Variants in TINAG observed in about 807,000 individuals in gnomAD.
The protein encoded by TINAG is tubulointerstitial nephritis antigen.
A neutral mutation model predicts 72.7 loss-of-function variants in TINAG; 83 were observed. That is an observed-to-expected ratio of 1.14 (90% CI 0.96 to 1.37). The LOEUF (loss-of-function observed/expected upper bound fraction) is 1.37. Among genes scored for constraint, TINAG ranks in the 40% most tolerant of loss-of-function variants. The probability of loss-of-function intolerance (pLI) is 0.00; values close to 1 mark genes in which losing one functional copy is unlikely to be tolerated. For missense variants in TINAG, 685 were observed against 576.6 expected (o/e 1.19, Z -1.93); for synonymous variants, 234 against 189.9 (o/e 1.23, Z -1.91).
intron 9 of TINAG, among the ~76,000 whole-genome samples, chr6:54,361,698 G>T (rs1763242052): frequency 6.6e-6 from 1 of 151,696 alleles, no homozygotes; most frequent in Non-Finnish European, 1.5e-5. Context: ...TAGTGAGGAA[G>T]ACATGTTGTT....
rs9367564 is a variant in TINAG, at chr6:54,339,327, T to C, written c.625-3899T>C. Among the ~76,000 whole-genome samples, 1,354 of 152,334 alleles carry C rather than the reference T, an allele frequency of 8.9e-3. 30 individuals are homozygous for C. The highest frequency in any genetic ancestry group is 0.053 in the East Asian group (273 of 5,172). ...TACCCACACTTCATTCTTCTTGTCC[T>C]TCCATTGCCCAGCACCTTTATTTCC... On this transcript the variant is annotated intron_variant, in intron 4 of 10. Transcript: ENST00000259782.
At chr6:54,343,190 G>GA (rs1785039349) in intron 4 of TINAG, 36 bp from the exon 5 acceptor site, 1 of 1,441,790 alleles carries the variant, frequency 6.9e-7, no homozygotes, top group African/African-American at 1.5e-5. Context: ...ACATATTTGA[G>GA]AAAATCTCAT....
In TINAG at chr6:54,309,044, C is replaced by A. The variant is rs1364708959; in HGVS notation, c.355+139C>A. 3.5e-5 allele frequency: 32 copies of A among 902,184 alleles called. No homozygotes were observed. In the South Asian group the frequency reaches 4.9e-4, roughly 14 times the overall value. 55.9% of individuals were successfully genotyped at this position (902,184 alleles called of 1,614,324 possible). The stretch of plus-strand genomic sequence containing the variant: ...TTATTGTGATTGAGAAAATACATTT[C>A]TTTGGATTGTTAAAGTGCTTTGGTT... On this transcript the variant is annotated intron_variant, in intron 1 of 10. Coordinates refer to ENST00000259782, the MANE Select transcript of TINAG (RefSeq NM_014464.4).
intron 1 of TINAG, among the ~76,000 whole-genome samples, chr6:54,311,154 A>T (rs1245537757): frequency 6.6e-6 from 1 of 152,162 alleles, no homozygotes; most frequent in Non-Finnish European, 1.5e-5. Flanking sequence ...ATTATGCTAC[A>T]GACCTCATTC....
chr6:54,326,801 G>C lies in TINAG; in HGVS notation c.510-1G>C. ...ATATTTTTCTCTCATTTGTAAGGCA[G>C]ATGGACAGCACAGAATTACAGCCAA... On this transcript the variant is annotated splice_acceptor_variant, in intron 3 of 10. Transcript: ENST00000259782. LOFTEE classifies it high-confidence loss of function. 1.3e-6 allele frequency: 2 copies of C among 1,598,320 alleles called. No individual in the cohort carries two copies. The highest frequency in any genetic ancestry group is 1.1e-5 in the South Asian group (1 of 87,326).
intron 9 of TINAG, among the ~76,000 whole-genome samples, chr6:54,356,345 G>T (rs996563407): frequency 1.8e-4 from 28 of 151,732 alleles, no homozygotes; most frequent in African/African-American, 6.0e-4. Context: ...GATAAGCCTG[G>T]CCAACATGGT....
Position 54,308,765 on chromosome 6 carries a change from C to G in TINAG, c.215C>G (p.Thr72Ser), listed in dbSNP as rs562689606. 1 of 1,613,832 alleles carries G rather than the reference C, an allele frequency of 6.2e-7. No individual in the cohort carries two copies. Among genetic ancestry groups the G allele is most frequent in the East Asian group, 2.2e-5 (1 of 44,858 alleles). The change falls in exon 1 of 11, where the codon ACT (threonine) becomes AGT (serine). Residue 72 changes from threonine to serine, a missense_variant. Thr to Ser is a moderately conservative substitution (Grantham distance 58). Coordinates refer to ENST00000259782, the MANE Select transcript of TINAG (RefSeq NM_014464.4). Reference sequence around the variant, plus strand: ...GAAGACAGAGATGATGGCTGTGTCACTGAGTTCTATGCGGCGAATGCGTTG... The same window carrying G: ...GAAGACAGAGATGATGGCTGTGTCAGTGAGTTCTATGCGGCGAATGCGTTG... ...CCEDRDDGCV[T>S]EFYAANALCY...
chr6:54,327,725 C>G (rs1017522526), intron 4 of TINAG, among the ~76,000 whole-genome samples: 7 of 152,164 alleles, frequency 4.6e-5, no homozygotes, highest in Non-Finnish European at 1.0e-4. Context: ...TCACTGCCAG[C>G]ACAGCAGTCT....
intron 10 of TINAG, among the ~76,000 whole-genome samples, chr6:54,382,172 AG>A (rs1465354587): frequency 6.6e-6 from 1 of 152,086 alleles, no homozygotes; most frequent in African/African-American, 2.4e-5. Context: ...TCATGAGGCT[AG>A]GGGTAAGATT....
chr6:54,380,471 G>T, intron 9 of TINAG, 55 bp from the exon 10 acceptor site: 1 of 1,479,032 alleles, frequency 6.8e-7, no homozygotes, highest in Non-Finnish European at 9.3e-7. Flanking sequence ...ATTCTCTCAA[G>T]AAGCAAACCA....
At chr6:54,357,412 A>G (rs1170542073) in intron 9 of TINAG, among the ~76,000 whole-genome samples, 1 of 151,796 alleles carries the variant, frequency 6.6e-6, no homozygotes, top group East Asian at 1.9e-4. Flanking sequence ...TGAACTCCAG[A>G]CTCATACATT....
Position 54,351,402 on chromosome 6 carries a change from G to C in TINAG, c.1126+5G>C. 10 of 1,609,300 alleles carry C rather than the reference G, an allele frequency of 6.2e-6. No homozygotes were observed. The highest frequency in any genetic ancestry group is 8.5e-6 in the Non-Finnish European group (10 of 1,177,094). On this transcript the variant is annotated splice_donor_5th_base_variant and intron_variant, in intron 8 of 10. Transcript: ENST00000259782. ...TGCAAAATGGACCAGTTCAAGGTAA[G>C]CTTGAATGAAATACGGTTTTTTCTT... is the stretch of plus-strand genomic sequence containing the variant.
At chr6:54,378,631 T>A (rs1562184791) in intron 9 of TINAG, among the ~76,000 whole-genome samples, 1 of 152,184 alleles carries the variant, frequency 6.6e-6, no homozygotes, top group Non-Finnish European at 1.5e-5. Flanking sequence ...GTTTCCAAGC[T>A]AAGGGAGTTT....
intron 3 of TINAG, among the ~76,000 whole-genome samples, chr6:54,322,926 A>T (rs1196166728): frequency 2.6e-5 from 4 of 152,236 alleles, no homozygotes; most frequent in Non-Finnish European, 4.4e-5. Context: ...AGACCTAATT[A>T]ACATACATTC....
intron 4 of TINAG, 75 bp downstream of exon 4, chr6:54,326,991 T>C (rs763587308): frequency 3.0e-5 from 47 of 1,588,634 alleles, no homozygotes; most frequent in Middle Eastern, 1.7e-4. Flanking sequence ...AAAGCAATTA[T>C]AAATCACTAA....
chr6:54,367,069 T>G (rs1323961324), intron 9 of TINAG: 2 of 151,752 alleles, frequency 1.3e-5, no homozygotes, highest in Non-Finnish European at 2.9e-5. Flanking sequence ...CTTCCATTGT[T>G]TCTATATTAA....
chr6:54,389,997 C>T lies in TINAG; in HGVS notation c.*72C>T, dbSNP rs1764203483. The T allele has an allele frequency of 6.4e-7, 1 of 1,559,214 alleles. No individual in the cohort carries two copies. Among genetic ancestry groups the T allele is most frequent in the Non-Finnish European group, 8.7e-7 (1 of 1,153,476 alleles). On this transcript the variant is annotated 3_prime_UTR_variant, in exon 11 of 11. Transcript: ENST00000259782. The stretch of plus-strand genomic sequence containing the variant: ...AATTGAAGTTTAGCAATATGACATT[C>T]TTGGTGACAGTGGAATCTTTGTCTC...
At chr6:54,313,380 C>T (rs1344699031) in intron 1 of TINAG, among the ~76,000 whole-genome samples, 1 of 152,080 alleles carries the variant, frequency 6.6e-6, no homozygotes, top group Non-Finnish European at 1.5e-5. Context: ...CTCACAGAAC[C>T]TGCACATAGT....
At chr6:54,314,033 G>T (rs980389683) in intron 1 of TINAG, among the ~76,000 whole-genome samples, 1 of 152,132 alleles carries the variant, frequency 6.6e-6, no homozygotes, top group African/African-American at 2.4e-5. Context: ...CATGGGTAAG[G>T]AGACTTAGGT....
Sources: allele counts gnomAD v4.1 joint callset (sites outside exome capture counted in the v4.1 genomes callset), GRCh38; gene constraint gnomAD v4.1.1; transcripts MANE v1.5; gene names NCBI Gene and HGNC (gene_info 2026-07-23, HGNC 2026-07-21).